The following TCF7L2 variants were observed in gnomAD, a reference collection of about 807,000 sequenced individuals.
TCF7L2 encodes the protein transcription factor 7 like 2, also known as transcription factor 7-like 2.
A neutral mutation model predicts 77.9 loss-of-function variants in TCF7L2; 23 were observed. The observed-to-expected ratio is 0.30, with a 90% CI of 0.21 to 0.42. The LOEUF (loss-of-function observed/expected upper bound fraction) is 0.42, where lower values mean the gene tolerates loss of function less well. TCF7L2 is among the 10% of genes least tolerant of loss of function. TCF7L2 has a pLI of 1.00. For missense variants in TCF7L2, 654 were observed against 793.1 expected, an observed-to-expected ratio of 0.82 and a Z score of 2.11; for synonymous variants, 413 against 340.2, an observed-to-expected ratio of 1.21 and a Z score of -2.36.
chr10:113,135,237 G>A lies in TCF7L2; in HGVS notation c.553-5947G>A, dbSNP rs187874405. On this transcript the variant is annotated intron_variant, in intron 5 of 13. Coordinates refer to ENST00000627217, the MANE Select transcript of TCF7L2 (RefSeq NM_001146274.2). The stretch of plus-strand genomic sequence containing the variant: ...GGGTGGCATGGCCAAGTTGCAGAGC[G>A]CTATGCTTAAGGGTTCTTGAAAGGT... 2.8e-3 allele frequency among the ~76,000 whole-genome samples: 433 copies of A among 152,298 alleles called. 1 individual carries two copies. Among genetic ancestry groups the A allele is most frequent in the Non-Finnish European group, 4.3e-3 (293 of 68,030 alleles).
chr10:113,149,215 C>T (rs1042172143), intron 8 of TCF7L2, among the ~76,000 whole-genome samples: 4 of 152,180 alleles, frequency 2.6e-5, no homozygotes, highest in African/African-American at 9.7e-5. Flanking sequence ...CCAAGTGTCT[C>T]CCAAGGGGTT....
chr10:113,084,907 C>A (rs1175031908), intron 5 of TCF7L2, among the ~76,000 whole-genome samples: 2 of 150,130 alleles, frequency 1.3e-5, no homozygotes, highest in East Asian at 1.9e-4. Flanking sequence ...AGCCACCCCC[C>A]CCCAAAAAAA....
intron 5 of TCF7L2, among the ~76,000 whole-genome samples, chr10:113,111,322 A>G (rs2063103749): frequency 6.6e-6 from 1 of 152,098 alleles, no homozygotes; most frequent in Non-Finnish European, 1.5e-5. Context: ...ATTCACTGAT[A>G]TATCTATCTA....
In TCF7L2 at chr10:112,950,973, G is replaced by T. The variant is rs750909665; in HGVS notation, c.189+28G>T. The T allele has an allele frequency of 4.4e-6, 7 of 1,589,876 alleles. No homozygotes were observed. The African/African-American group carries it at 9.6e-5, about 22-fold the overall frequency. ...AGGAAAAGCCCCTCGGGCTGGTGGG[G>T]TTTTTTATCTGTTTCCTGGGCTTGG... is the stretch of plus-strand genomic sequence containing the variant. On this transcript the variant is annotated intron_variant, in intron 1 of 13. Coordinates refer to ENST00000627217, the MANE Select transcript of TCF7L2 (RefSeq NM_001146274.2).
intron 4 of TCF7L2, among the ~76,000 whole-genome samples, 188 bp downstream of exon 4, chr10:112,964,812 T>TGGTGGTGGTGGTGG (rs1564719427): frequency 2.6e-5 from 1 of 38,282 alleles, no homozygotes; most frequent in African/African-American, 9.9e-5. Flanking sequence ...GTGGTGGTGG[T>TGGTGGTGGTGGTGG]GGGGGGGGGT....
intron 5 of TCF7L2, among the ~76,000 whole-genome samples, chr10:113,103,631 T>C (rs2061922535): frequency 6.6e-6 from 1 of 152,152 alleles, no homozygotes; most frequent in Non-Finnish European, 1.5e-5. Context: ...TGAATGGTGG[T>C]TGCCAGTGAT....
chr10:113,053,570 C>T (rs2054835062), intron 5 of TCF7L2, among the ~76,000 whole-genome samples: 1 of 152,090 alleles, frequency 6.6e-6, no homozygotes, highest in African/African-American at 2.4e-5. Context: ...GATGCTAGCT[C>T]CCCTGTTCCT....
chr10:113,014,475 C>T (rs1223577415), intron 4 of TCF7L2, among the ~76,000 whole-genome samples: 4 of 152,174 alleles, frequency 2.6e-5, no homozygotes, highest in Non-Finnish European at 5.9e-5. Flanking sequence ...ATTCAGGAAG[C>T]CCAGTGCTAA....
At chr10:113,074,652 G>T (rs145003494) in intron 5 of TCF7L2, among the ~76,000 whole-genome samples, 1 of 152,140 alleles carries the variant, frequency 6.6e-6, no homozygotes, top group African/African-American at 2.4e-5. Context: ...TGAGTATTTG[G>T]ATTTGAATGG....
At chr10:112,961,705 C>T (rs2035277491) in intron 3 of TCF7L2, among the ~76,000 whole-genome samples, 1 of 151,998 alleles carries the variant, frequency 6.6e-6, no homozygotes, top group African/African-American at 2.4e-5. Context: ...CTCTCCAGCG[C>T]AATGGTTGCT....
intron 5 of TCF7L2, among the ~76,000 whole-genome samples, chr10:113,077,654 C>A (rs780734839): frequency 1.3e-5 from 2 of 151,578 alleles, no homozygotes; most frequent in Non-Finnish European, 2.9e-5. Flanking sequence ...CAAGGTTCGT[C>A]CATGTTGCTG....
At chr10:113,029,614 C>T (rs534300827) in intron 4 of TCF7L2, among the ~76,000 whole-genome samples, 1 of 151,324 alleles carries the variant, frequency 6.6e-6, no homozygotes, top group Non-Finnish European at 1.5e-5. Context: ...GCAACCTCCA[C>T]CTCCTGGGTT....
intron 5 of TCF7L2, among the ~76,000 whole-genome samples, chr10:113,084,580 A>T (rs2059633922): frequency 6.6e-6 from 1 of 152,118 alleles, no homozygotes; most frequent in Admixed American, 6.6e-5. Flanking sequence ...ATATCCGGGC[A>T]CCTTGTGACT....
intron 8 of TCF7L2, among the ~76,000 whole-genome samples, chr10:113,149,659 C>T (rs958343438): frequency 4.0e-5 from 6 of 150,436 alleles, no homozygotes; most frequent in African/African-American, 1.5e-4. Flanking sequence ...GAAGAATTGT[C>T]GTGATCGATC....
chr10:113,094,580 G>A (rs887905725), intron 5 of TCF7L2, among the ~76,000 whole-genome samples: 1 of 152,090 alleles, frequency 6.6e-6, no homozygotes, highest in Admixed American at 6.6e-5. Context: ...GACAACCAAA[G>A]AAATACCCCT....
intron 5 of TCF7L2, among the ~76,000 whole-genome samples, chr10:113,132,645 A>G (rs1453800289): frequency 2.0e-5 from 3 of 152,156 alleles, no homozygotes; most frequent in Non-Finnish European, 4.4e-5. Flanking sequence ...TTCTGGCTCG[A>G]TTTTGAAGAT....
chr10:113,095,009 G>A (rs994704832), intron 5 of TCF7L2, among the ~76,000 whole-genome samples: 2 of 152,190 alleles, frequency 1.3e-5, no homozygotes, highest in African/African-American at 4.8e-5. Context: ...GGGAGGCTGA[G>A]ACAGGAGAAT....
chr10:113,043,869 G>A (rs2052938192), intron 5 of TCF7L2, among the ~76,000 whole-genome samples: 1 of 152,038 alleles, frequency 6.6e-6, no homozygotes, highest in African/African-American at 2.4e-5. Flanking sequence ...TGTGGGGTTA[G>A]GAGCCGCTCC....
At chr10:112,964,686 A>T in intron 4 of TCF7L2, 62 bp downstream of exon 4, 2 of 1,389,284 alleles carry the variant, frequency 1.4e-6, no homozygotes, top group Non-Finnish European at 2.0e-6. Flanking sequence ...TGTGTGTTTT[A>T]TTCTCCGCCC....
Sources: allele counts gnomAD v4.1 joint callset (sites outside exome capture counted in the v4.1 genomes callset), GRCh38; gene constraint gnomAD v4.1.1; transcripts MANE v1.5; gene names NCBI Gene and HGNC (gene_info 2026-07-23, HGNC 2026-07-21).